MGLL: variants seen among roughly 807,000 people sequenced by gnomAD.
MGLL encodes lysophospholipase homolog.
A neutral mutation model predicts 29.1 loss-of-function variants in MGLL; 7 were observed. The observed-to-expected ratio is 0.24, with a 90% CI of 0.14 to 0.45. The LOEUF (loss-of-function observed/expected upper bound fraction) is 0.45. Among genes scored for constraint, MGLL ranks in the 20% least tolerant of loss-of-function variants. The pLI, the probability that MGLL is intolerant of heterozygous loss-of-function variation, is 0.99. For missense variants in MGLL, 356 were observed against 413.6 expected (o/e 0.86, Z 1.21); for synonymous variants, 148 against 168.3 (o/e 0.88, Z 0.93).
intron 5 of MGLL, chr3:127,710,873 T>A: frequency 3.4e-6 from 2 of 595,658 alleles, no homozygotes; most frequent in Non-Finnish European, 6.1e-6. Context: ...CTGCTCCACC[T>A]TGGGGGAGCT....
At chr3:127,710,322 G>C (rs983430867) in intron 6 of MGLL, among the ~76,000 whole-genome samples, 1 of 152,210 alleles carries the variant, frequency 6.6e-6, no homozygotes, top group African/African-American at 2.4e-5. Context: ...GCAACCAAGA[G>C]ACTTGACTGG....
At chr3:127,732,798 A>T (rs2076174360) in intron 3 of MGLL, among the ~76,000 whole-genome samples, 1 of 152,228 alleles carries the variant, frequency 6.6e-6, no homozygotes, top group East Asian at 1.9e-4. Flanking sequence ...AAGTAACCAC[A>T]ACAAATGGCA....
At chr3:127,705,910 C>T (rs554580590) in intron 6 of MGLL, among the ~76,000 whole-genome samples, 1 of 152,196 alleles carries the variant, frequency 6.6e-6, no homozygotes, top group South Asian at 2.1e-4. Context: ...CACTCCATAC[C>T]CATTAGGATG....
At chr3:127,779,344 G>A (rs2077086376) in intron 3 of MGLL, among the ~76,000 whole-genome samples, 1 of 152,126 alleles carries the variant, frequency 6.6e-6, no homozygotes, top group African/African-American at 2.4e-5. Flanking sequence ...TCCAGCCTGG[G>A]CGACAGAGCA....
At chr3:127,704,207 C>T (rs2075554928) in intron 6 of MGLL, among the ~76,000 whole-genome samples, 1 of 152,186 alleles carries the variant, frequency 6.6e-6, no homozygotes, top group Admixed American at 6.5e-5. Flanking sequence ...CCCTTCCTTA[C>T]ACCATATACA....
intron 3 of MGLL, among the ~76,000 whole-genome samples, chr3:127,738,902 C>G (rs905228480): frequency 6.6e-6 from 1 of 152,220 alleles, no homozygotes; most frequent in African/African-American, 2.4e-5. Context: ...TGTAGTCTTA[C>G]CAATGCCCTA....
chr3:127,803,171 G>A (rs892147993), intron 2 of MGLL, among the ~76,000 whole-genome samples: 2 of 152,126 alleles, frequency 1.3e-5, no homozygotes, highest in African/African-American at 4.8e-5. Flanking sequence ...GTAGAGATGG[G>A]GTTTTGCCAT....
intron 5 of MGLL, among the ~76,000 whole-genome samples, chr3:127,719,551 T>G (rs1221691066): frequency 6.6e-6 from 1 of 152,250 alleles, no homozygotes; most frequent in African/African-American, 2.4e-5. Context: ...GGCTGAATTT[T>G]GCAGACCTGC....
chr3:127,732,201 A>C (rs2076164739), intron 3 of MGLL, among the ~76,000 whole-genome samples: 1 of 152,260 alleles, frequency 6.6e-6, no homozygotes, highest in Non-Finnish European at 1.5e-5. Context: ...AGTGAGACGA[A>C]GCCTTTAAAA....
In MGLL at chr3:127,778,723, G is replaced by A. The variant is rs183674612; in HGVS notation, c.262+3066C>T. Among the ~76,000 whole-genome samples the A allele has an allele frequency of 6.6e-5, 10 of 152,214 alleles. No individual in the cohort carries two copies. In the East Asian group the frequency reaches 1.9e-3, roughly 30 times the overall value. ...TGTACCTCCAATGGGCACAATAAAT[G>A]TCCTGACATTCTCCTAATATTTGTT... On this transcript the variant is annotated intron_variant, in intron 3 of 7. Coordinates refer to ENST00000265052, the MANE Select transcript of MGLL (RefSeq NM_007283.7).
At chr3:127,804,967 C>A (rs1559981715) in intron 2 of MGLL, among the ~76,000 whole-genome samples, 1 of 152,160 alleles carries the variant, frequency 6.6e-6, no homozygotes, top group Admixed American at 6.5e-5. Flanking sequence ...GGAGAGACGG[C>A]CATTCTATGG....
At chr3:127,820,338 G>A (rs1190046625) in intron 2 of MGLL, among the ~76,000 whole-genome samples, 1 of 152,098 alleles carries the variant, frequency 6.6e-6, no homozygotes, top group Non-Finnish European at 1.5e-5. Context: ...GCGAAGGGAG[G>A]GCAGGGCAGC....
At chr3:127,773,504 G>T (rs7626899) in intron 3 of MGLL, among the ~76,000 whole-genome samples, 8,024 of 152,308 alleles carry the variant, frequency 0.053, 688 homozygotes, top group African/African-American at 0.18. Flanking sequence ...GGCCCTGGGG[G>T]TCACCACAAG....
At chr3:127,799,731 C>T (rs1345567286) in intron 2 of MGLL, among the ~76,000 whole-genome samples, 1 of 152,176 alleles carries the variant, frequency 6.6e-6, no homozygotes, top group Non-Finnish European at 1.5e-5. Flanking sequence ...CAGCTCACTA[C>T]AGTAGTACCG....
chr3:127,745,123 T>A (rs145249972), intron 3 of MGLL, among the ~76,000 whole-genome samples: 23 of 152,312 alleles, frequency 1.5e-4, no homozygotes, highest in South Asian at 1.4e-3. Flanking sequence ...ACCGCTATGA[T>A]CCTTGGTTTC....
chr3:127,755,924 A>G (rs570080726), intron 3 of MGLL, among the ~76,000 whole-genome samples: 41 of 152,306 alleles, frequency 2.7e-4, no homozygotes, highest in African/African-American at 9.6e-4. Flanking sequence ...TTTTATTCAG[A>G]CTGGCAATGT....
intron 3 of MGLL, among the ~76,000 whole-genome samples, chr3:127,752,104 T>A (rs1413404478): frequency 3.1e-5 from 1 of 32,750 alleles, no homozygotes; most frequent in Non-Finnish European, 8.9e-5. Context: ...TCTGTGTCAC[T>A]TTTTTTTTTT....
chr3:127,778,385 C>T (rs576362496), intron 3 of MGLL, among the ~76,000 whole-genome samples: 1 of 152,222 alleles, frequency 6.6e-6, no homozygotes, highest in South Asian at 2.1e-4. Flanking sequence ...TTGCTCAGAG[C>T]CCTGGGGTCA....
chr3:127,791,391 T>A (rs1381103351), intron 2 of MGLL: 1 of 152,248 alleles, frequency 6.6e-6, no homozygotes, highest in East Asian at 1.9e-4. Flanking sequence ...ATCTGCAGCC[T>A]CCAGGCTAAC....
Sources: gnomAD v4.1 joint callset for allele counts (sites outside exome capture counted in the v4.1 genomes callset) on GRCh38, gnomAD v4.1.1 for gene constraint, MANE v1.5 for transcripts, NCBI Gene and HGNC (gene_info 2026-07-23, HGNC 2026-07-21) for gene names.